The following WDR49 variants were observed in gnomAD, a reference collection of about 807,000 sequenced individuals.
WDR49 encodes cilia- and flagella-associated protein 337.
A neutral mutation model predicts 119.5 loss-of-function variants in WDR49; 107 were observed. The observed-to-expected ratio is 0.90, with a 90% CI of 0.77 to 1.05. WDR49 has a LOEUF of 1.05. WDR49 is among the 50% of genes least tolerant of loss of function. The pLI, the probability that WDR49 is intolerant of heterozygous loss-of-function variation, is 0.00. For synonymous variants in WDR49, 425 were observed against 418.8 expected, an observed-to-expected ratio of 1.01 and a Z score of -0.18; for missense variants, 1,240 against 1,220.5, an observed-to-expected ratio of 1.02 and a Z score of -0.24.
chr3:167,640,907 T>C (rs925261677), intron 2 of WDR49, among the ~76,000 whole-genome samples: 6 of 151,796 alleles, frequency 4.0e-5, no homozygotes, highest in Non-Finnish European at 7.4e-5. Flanking sequence ...ATTTTAATAA[T>C]GGAAGTGTCT....
At chr3:167,613,002 A>G (rs2108315237) in intron 5 of WDR49, among the ~76,000 whole-genome samples, 1 of 152,342 alleles carries the variant, frequency 6.6e-6, no homozygotes, top group South Asian at 2.1e-4. Context: ...GGATGACTAT[A>G]GTCAATAATA....
At chr3:167,652,128 G>A (rs941802359) in intron 2 of WDR49, among the ~76,000 whole-genome samples, 3 of 152,160 alleles carry the variant, frequency 2.0e-5, no homozygotes, top group African/African-American at 7.2e-5. Flanking sequence ...AGACAAATGA[G>A]GTTGGTTGAA....
rs141496184 is a variant in WDR49 at position 167,560,099 on chromosome 3, G to T, written c.1639C>A (p.Arg547=). The T allele has an allele frequency of 5.6e-6, 9 of 1,614,114 alleles. No individual in the cohort carries two copies. The highest frequency in any genetic ancestry group is 1.7e-5 in the Admixed American group (1 of 60,012). ...STMALDANET[R]LLTGSTDGTV... ...CCATCTGTGCTGCCAGTCAAAAGCCGAGTCTCATTTGCATCAAGGGCCATA... is the reference window on the plus strand; with the variant it reads ...CCATCTGTGCTGCCAGTCAAAAGCCTAGTCTCATTTGCATCAAGGGCCATA... The change falls in exon 9 of 19, where the codon CGG becomes AGG. Residue 547 remains arginine (R), a synonymous_variant. Transcript: ENST00000682715.
At chr3:167,642,094 G>GT (rs1717909164) in intron 2 of WDR49, among the ~76,000 whole-genome samples, 1 of 151,750 alleles carries the variant, frequency 6.6e-6, no homozygotes. Flanking sequence ...TTTTTATACT[G>GT]TTTTGACTTG....
At chr3:167,530,831 A>G (rs1181576654) in intron 13 of WDR49, among the ~76,000 whole-genome samples, 1 of 152,080 alleles carries the variant, frequency 6.6e-6, no homozygotes, top group Non-Finnish European at 1.5e-5. Context: ...TGGGACAACA[A>G]TTCTGATTGT....
intron 3 of WDR49, among the ~76,000 whole-genome samples, chr3:167,622,449 A>T (rs943030133): frequency 2.0e-5 from 3 of 152,182 alleles, no homozygotes; most frequent in Admixed American, 6.6e-5. Context: ...ACATGCATAA[A>T]TTATTAAAAT....
chr3:167,543,375 G>A (rs1711960986), intron 10 of WDR49, among the ~76,000 whole-genome samples: 1 of 151,960 alleles, frequency 6.6e-6, no homozygotes, highest in Admixed American at 6.6e-5. Flanking sequence ...GTTGAACATA[G>A]ATGAGAAAAT....
chr3:167,487,038 A>T (rs921624578), intron 18 of WDR49, among the ~76,000 whole-genome samples: 18 of 152,082 alleles, frequency 1.2e-4, no homozygotes, highest in Admixed American at 9.8e-4. Flanking sequence ...TAAAATTCAC[A>T]TTGGACCAAA....
In WDR49 at chr3:167,528,937, T is replaced by TA. The variant is rs1021295458; in HGVS notation, c.2406+114dup. On this transcript the variant is annotated intron_variant, in intron 14 of 18. Transcript: ENST00000682715. ...TTGTAAATGTTTTATTTAAAACACT[T>TA]AGACTATACATTTTTTCCTTTGTTT... is the stretch of plus-strand genomic sequence containing the variant. 2.2e-5 allele frequency: 16 copies of TA among 734,286 alleles called. No individual in the cohort carries two copies. The African/African-American group carries it at 2.7e-4, about 12-fold the overall frequency. 45.5% of individuals were successfully genotyped at this position (734,286 alleles called of 1,614,324 possible). A position where few individuals can be genotyped will look rare whatever the true frequency, so the allele number is the denominator to read the frequency against.
intron 7 of WDR49, among the ~76,000 whole-genome samples, chr3:167,585,431 T>C (rs995569072): frequency 2.0e-5 from 3 of 147,522 alleles, no homozygotes; most frequent in Non-Finnish European, 3.0e-5. Flanking sequence ...TGTGTGTGTG[T>C]GTCATGGCTA....
Position 167,604,440 on chromosome 3 carries a change from G to T in WDR49, c.987C>A (p.Ile329=), listed in dbSNP as rs750960621. The T allele has an allele frequency of 3.1e-6, 5 of 1,612,470 alleles. No homozygotes were observed. The highest frequency in any genetic ancestry group is 4.2e-6 in the Non-Finnish European group (5 of 1,179,510). Residue 329 remains isoleucine (I), a synonymous_variant, in exon 6 of 19, where the codon ATC becomes ATA. Coordinates refer to ENST00000682715, the MANE Select transcript of WDR49 (RefSeq NM_001366157.1). Reference sequence around the variant, plus strand: ...TTGTATTGCTGGTTGTACTGGAAATGATAGCGTCTAAAGATGCATTGTAAG... The same window carrying T: ...TTGTATTGCTGGTTGTACTGGAAATTATAGCGTCTAAAGATGCATTGTAAG... The part of the protein sequence containing the change: ...QVTYNASLDA[I]ISSTTSNTNS...
chr3:167,633,829 G>T (rs1717488799), intron 2 of WDR49, among the ~76,000 whole-genome samples: 1 of 151,934 alleles, frequency 6.6e-6, no homozygotes, highest in Non-Finnish European at 1.5e-5. Context: ...CTCAGGGTTT[G>T]CATGAAGTAC....
At chr3:167,648,259 A>G (rs944134150) in intron 2 of WDR49, among the ~76,000 whole-genome samples, 1 of 152,222 alleles carries the variant, frequency 6.6e-6, no homozygotes, top group Non-Finnish European at 1.5e-5. Flanking sequence ...AAATCTTACT[A>G]TACTTGAAAG....
intron 7 of WDR49, among the ~76,000 whole-genome samples, chr3:167,597,866 C>G (rs541684247): frequency 2.4e-4 from 37 of 152,298 alleles, no homozygotes; most frequent in Non-Finnish European, 4.7e-4. Context: ...TTGGAAATAA[C>G]TAAATTGCTT....
At chr3:167,551,074 G>T (rs993087381) in intron 10 of WDR49, among the ~76,000 whole-genome samples, 15 of 151,866 alleles carry the variant, frequency 9.9e-5, no homozygotes, top group Admixed American at 2.0e-4. Flanking sequence ...CTAAATTTGG[G>T]ACTTCTTTTT....
chr3:167,481,715 A>G (rs114420116), intron 18 of WDR49, among the ~76,000 whole-genome samples: 2,282 of 152,280 alleles, frequency 0.015, 61 homozygotes, highest in African/African-American at 0.052. Flanking sequence ...CACTTCTTAC[A>G]TGGCAGCAGC....
intron 12 of WDR49, 68 bp from the exon 13 acceptor site, chr3:167,531,347 A>G: frequency 7.8e-6 from 12 of 1,544,086 alleles, no homozygotes; most frequent in East Asian, 2.3e-5. Flanking sequence ...AATGCCTATG[A>G]AATAGCAGGC....
chr3:167,648,784 C>T (rs760284864), intron 2 of WDR49, among the ~76,000 whole-genome samples: 2 of 152,114 alleles, frequency 1.3e-5, no homozygotes, highest in Non-Finnish European at 2.9e-5. Context: ...GTGTAGAAGG[C>T]GGAAGGTGGG....
At chr3:167,594,028 T>A (rs1715279201) in intron 7 of WDR49, among the ~76,000 whole-genome samples, 1 of 152,200 alleles carries the variant, frequency 6.6e-6, no homozygotes, top group South Asian at 2.1e-4. Flanking sequence ...TGAGCAACTA[T>A]GAGCCAATGA....
Sources: allele counts gnomAD v4.1 joint callset (sites outside exome capture counted in the v4.1 genomes callset), GRCh38; gene constraint gnomAD v4.1.1; transcripts MANE v1.5; gene names NCBI Gene and HGNC (gene_info 2026-07-23, HGNC 2026-07-21).